The following AK9 variants were observed in gnomAD, a reference collection of about 807,000 sequenced individuals.
AK9 encodes adenylate kinase domain containing 1.
AK9 carries 191 observed loss-of-function variants against 239.6 expected under a neutral mutation model. That is an observed-to-expected ratio of 0.80 (90% CI 0.71 to 0.90). AK9 has a LOEUF of 0.90. Ranked by LOEUF, AK9 falls within the 40% of genes least tolerant of loss-of-function variation. AK9 has a pLI of 0.00. For synonymous variants in AK9, 689 were observed against 721.0 expected (o/e 0.96, Z 0.71); for missense variants, 1,995 against 2,214.7 (o/e 0.90, Z 1.99).
intron 27 of AK9, among the ~76,000 whole-genome samples, chr6:109,540,514 G>A (rs1422787133): frequency 6.6e-6 from 1 of 152,154 alleles, no homozygotes; most frequent in East Asian, 1.9e-4. Context: ...AGCTTCCCGT[G>A]GCTAGGAAAG....
At chr6:109,613,343 G>A (rs1046350424) in intron 15 of AK9, among the ~76,000 whole-genome samples, 41 of 151,298 alleles carry the variant, frequency 2.7e-4, no homozygotes, top group African/African-American at 7.0e-4. Context: ...TTAGAAAAAC[G>A]GGCAAAAGAC....
At chr6:109,518,453 C>T (rs1326835878) in intron 29 of AK9, among the ~76,000 whole-genome samples, 4 of 152,080 alleles carry the variant, frequency 2.6e-5, no homozygotes, top group African/African-American at 9.7e-5. Context: ...GTTCTCACCT[C>T]TCTGGCTCCA....
intron 19 of AK9, among the ~76,000 whole-genome samples, chr6:109,580,145 G>T (rs1343652741): frequency 3.3e-5 from 5 of 151,916 alleles, no homozygotes; most frequent in Admixed American, 3.3e-4. Flanking sequence ...TTTCTATATT[G>T]AATAAGCAGA....
chr6:109,537,781 T>C (rs1782236639), intron 27 of AK9, among the ~76,000 whole-genome samples: 1 of 152,130 alleles, frequency 6.6e-6, no homozygotes, highest in Admixed American at 6.6e-5. Flanking sequence ...TTTAAATGTG[T>C]CCCAGAGATT....
chr6:109,658,876 T>A (rs888742049), intron 7 of AK9, among the ~76,000 whole-genome samples: 3 of 152,222 alleles, frequency 2.0e-5, no homozygotes, highest in African/African-American at 7.2e-5. Flanking sequence ...CTGCTGTAGG[T>A]AACAGAAAAT....
intron 12 of AK9, among the ~76,000 whole-genome samples, chr6:109,620,918 G>T (rs1341425740): frequency 6.6e-6 from 1 of 151,278 alleles, no homozygotes; most frequent in Non-Finnish European, 1.5e-5. Flanking sequence ...TAACCATTAG[G>T]CATAGGAATT....
At chr6:109,598,240 C>T (rs1791343310) in intron 17 of AK9, among the ~76,000 whole-genome samples, 2 of 137,556 alleles carry the variant, frequency 1.5e-5, no homozygotes, top group Admixed American at 1.5e-4. Context: ...CACCCCACAA[C>T]AGTCCCCGGT....
At chr6:109,654,362 G>A (rs7744378) in intron 8 of AK9, among the ~76,000 whole-genome samples, 148,239 of 152,000 alleles carry the variant, frequency 0.98, 72,316 homozygotes, top group East Asian at 1. Flanking sequence ...TTTTTGAGAC[G>A]GAGTCTTGCT....
chr6:109,543,679 C>T (rs918692169), intron 26 of AK9, among the ~76,000 whole-genome samples: 2 of 152,076 alleles, frequency 1.3e-5, no homozygotes, highest in African/African-American at 2.4e-5. Context: ...AACTCCTGAC[C>T]TCAAGTGATC....
At chr6:109,674,721 T>C (rs1340448903) in intron 2 of AK9, among the ~76,000 whole-genome samples, 1 of 152,220 alleles carries the variant, frequency 6.6e-6, no homozygotes, top group Non-Finnish European at 1.5e-5. Context: ...ACTTTAAAGA[T>C]AAAAGGTCGT....
chr6:109,673,333 G>C (rs1771213155), intron 3 of AK9, among the ~76,000 whole-genome samples: 1 of 152,124 alleles, frequency 6.6e-6, no homozygotes, highest in South Asian at 2.1e-4. Flanking sequence ...TACAGTGATT[G>C]TAGTAATTGT....
intron 13 of AK9, among the ~76,000 whole-genome samples, chr6:109,615,258 C>CT (rs5879032): frequency 0.6 from 83,766 of 139,254 alleles, 26,116 homozygotes; most frequent in South Asian, 0.84. Context: ...GTTCCCTTGG[C>CT]TTTTTTTTTT....
At chr6:109,612,699 G>C (rs1466774664) in intron 15 of AK9, among the ~76,000 whole-genome samples, 2 of 151,984 alleles carry the variant, frequency 1.3e-5, no homozygotes, top group Non-Finnish European at 2.9e-5. Flanking sequence ...GTGAGTTTCT[G>C]ACAGTGCCCT....
chr6:109,587,785 C>T lies in AK9; in HGVS notation c.1843-1713G>A, dbSNP rs529536550. ...TGCAGGTGTCTTTTTGATAAAAAGG[C>T]TTCTTTTCCTTTGAGCAGATACTCA... is the stretch of plus-strand genomic sequence containing the variant. On this transcript the variant is annotated intron_variant, in intron 17 of 40. Transcript: ENST00000424296. Among the ~76,000 whole-genome samples, 58 of 152,220 alleles carry T rather than the reference C, an allele frequency of 3.8e-4. 1 individual carries two copies. The South Asian group carries it at 8.1e-3, about 21-fold the overall frequency.
At chr6:109,498,003 C>T (rs569539526) in intron 36 of AK9, 38 bp from the exon 37 acceptor site, 1 of 1,606,584 alleles carries the variant, frequency 6.2e-7, no homozygotes, top group Admixed American at 1.7e-5. Flanking sequence ...ATGATTTAAA[C>T]CAGAAATGCT....
At chr6:109,588,722 A>C (rs1232648894) in intron 17 of AK9, among the ~76,000 whole-genome samples, 3 of 152,074 alleles carry the variant, frequency 2.0e-5, no homozygotes, top group Admixed American at 6.5e-5. Context: ...GAGGTCTTAC[A>C]TTTAAGTTTT....
At chr6:109,606,596 C>T (rs59626863) in intron 17 of AK9, among the ~76,000 whole-genome samples, 4,384 of 152,284 alleles carry the variant, frequency 0.029, 100 homozygotes, top group East Asian at 0.11. Context: ...ACACAAAAGG[C>T]CCATCTCCCT....
intron 35 of AK9, among the ~76,000 whole-genome samples, chr6:109,500,732 A>G (rs536658259): frequency 6.6e-6 from 1 of 152,258 alleles, no homozygotes; most frequent in African/African-American, 2.4e-5. Context: ...AACGCATCAC[A>G]CTCAGCCAGG....
intron 12 of AK9, among the ~76,000 whole-genome samples, chr6:109,630,441 G>T (rs1202069628): frequency 6.6e-6 from 1 of 152,170 alleles, no homozygotes; most frequent in Non-Finnish European, 1.5e-5. Flanking sequence ...ACTCATGAAA[G>T]AGAACAATAA....
Sources: allele counts gnomAD v4.1 joint callset (sites outside exome capture counted in the v4.1 genomes callset), GRCh38; gene constraint gnomAD v4.1.1; transcripts MANE v1.5; gene names NCBI Gene and HGNC (gene_info 2026-07-23, HGNC 2026-07-21).